Variants in ROS1 observed in about 807,000 individuals in gnomAD.
ROS1 encodes ROS proto-oncogene 1, receptor tyrosine kinase.
ROS1 carries 263 observed loss-of-function variants against 273.5 expected under a neutral mutation model. The observed-to-expected ratio is 0.96, with a 90% CI of 0.87 to 1.06. The LOEUF is 1.06. ROS1 is among the 50% of genes least tolerant of loss of function. The pLI, the probability that ROS1 is intolerant of heterozygous loss-of-function variation, is 0.00. For missense variants in ROS1, 2,833 were observed against 2,751.1 expected (o/e 1.03, Z -0.67); for synonymous variants, 1,008 against 954.1 (o/e 1.06, Z -1.04).
chr6:117,361,638 T>G (rs1455232278), intron 22 of ROS1, among the ~76,000 whole-genome samples: 1 of 150,650 alleles, frequency 6.6e-6, no homozygotes. Context: ...ACACTCCTAA[T>G]TTTTACCAAA....
Position 117,327,436 on chromosome 6 carries a change from C to A in ROS1, c.5349-1022G>T, listed in dbSNP as rs565839516. 3.9e-5 allele frequency among the ~76,000 whole-genome samples: 6 copies of A among 152,016 alleles called. No homozygotes were observed. The South Asian group carries it at 1.2e-3, about 32-fold the overall frequency. On this transcript the variant is annotated intron_variant, in intron 33 of 43. Coordinates refer to ENST00000368507, the MANE Select transcript of ROS1 (RefSeq NM_001378902.1). ...ACAACTCTGATCCAAAAGAAAGAGG[C>A]CCTTGAGAATTTGTGAAGTGGCTCT...
chr6:117,373,884 A>G (rs1185243739), intron 18 of ROS1, among the ~76,000 whole-genome samples: 2 of 152,260 alleles, frequency 1.3e-5, no homozygotes, highest in African/African-American at 4.8e-5. Flanking sequence ...AATCAAATCA[A>G]TAATTCAACC....
chr6:117,408,849 C>T (rs1202980245), intron 5 of ROS1, among the ~76,000 whole-genome samples: 5 of 152,008 alleles, frequency 3.3e-5, no homozygotes, highest in African/African-American at 1.2e-4. Context: ...ATTAAGAAAA[C>T]GTGGCACACA....
Position 117,372,533 on chromosome 6 carries a change from C to T in ROS1, c.2583-6243G>A, listed in dbSNP as rs188347992. Among the ~76,000 whole-genome samples the T allele has an allele frequency of 2.6e-3, 402 of 152,228 alleles. 2 individuals are homozygous for T. The highest frequency in any genetic ancestry group is 8.8e-3 in the African/African-American group (364 of 41,524). On this transcript the variant is annotated intron_variant, in intron 18 of 43. Transcript: ENST00000368507. ...GTTACAGTTCTTAAAGGTGGTGTGT[C>T]CAGAGTTTGTTCCTTCTGATGTTCG...
At chr6:117,302,533 C>T (rs1178714924) in intron 42 of ROS1, among the ~76,000 whole-genome samples, 2 of 152,174 alleles carry the variant, frequency 1.3e-5, no homozygotes, top group Non-Finnish European at 2.9e-5. Context: ...TGACGCTTCC[C>T]CACTACAGTG....
chr6:117,419,434 G>C (rs552868941), intron 1 of ROS1, among the ~76,000 whole-genome samples: 21 of 152,114 alleles, frequency 1.4e-4, no homozygotes, highest in African/African-American at 4.8e-4. Flanking sequence ...TCTTTAATTT[G>C]AAGCATGAGT....
rs2128753568 is a variant in ROS1, at chr6:117,425,709, C to T, written c.-53G>A. 6.3e-7 allele frequency: 1 copy of T among 1,595,306 alleles called. No homozygotes were observed. The highest frequency in any genetic ancestry group is 8.5e-7 in the Non-Finnish European group (1 of 1,169,974). On this transcript the variant is annotated 5_prime_UTR_variant, in exon 1 of 44. Transcript: ENST00000368507. Reference sequence around the variant, plus strand: ...GGCCGGTCTAATTTTCTCCATTTTGCTATATGAATTATTTGGGCTTCATCA... The same window carrying T: ...GGCCGGTCTAATTTTCTCCATTTTGTTATATGAATTATTTGGGCTTCATCA...
intron 34 of ROS1, among the ~76,000 whole-genome samples, chr6:117,325,765 C>T (rs1480354023): frequency 1.3e-5 from 2 of 151,872 alleles, no homozygotes; most frequent in Non-Finnish European, 2.9e-5. Context: ...GATTTCCTGC[C>T]TATGTGATTA....
Position 117,418,460 on chromosome 6 carries a change from A to G in ROS1, c.168+2T>C, listed in dbSNP as rs760324658. 1.5e-5 allele frequency: 24 copies of G among 1,592,930 alleles called. No homozygotes were observed. Among genetic ancestry groups the G allele is most frequent in the Non-Finnish European group, 2.1e-5 (24 of 1,170,186 alleles). ...TTCTTGACAACTGAAGAAATTACTTACCGGTTCACTCAGATTATGTGGTGT... is the reference window on the plus strand; with the variant it reads ...TTCTTGACAACTGAAGAAATTACTTGCCGGTTCACTCAGATTATGTGGTGT... On this transcript the variant is annotated splice_donor_variant, in intron 2 of 43. Coordinates refer to ENST00000368507, the MANE Select transcript of ROS1 (RefSeq NM_001378902.1). LOFTEE classifies it high-confidence loss of function.
At chr6:117,298,865 T>G (rs1366656142) in intron 43 of ROS1, among the ~76,000 whole-genome samples, 1 of 152,206 alleles carries the variant, frequency 6.6e-6, no homozygotes, top group African/African-American at 2.4e-5. Flanking sequence ...GAAATAATTT[T>G]TTTAATTATC....
At chr6:117,370,149 CA>C (rs1376944954) in intron 18 of ROS1, among the ~76,000 whole-genome samples, 1 of 151,788 alleles carries the variant, frequency 6.6e-6, no homozygotes, top group African/African-American at 2.4e-5. Context: ...TTCTACTTAC[CA>C]AAAAAAGGAA....
chr6:117,298,477 G>A (rs766689385), intron 43 of ROS1, among the ~76,000 whole-genome samples: 1 of 152,146 alleles, frequency 6.6e-6, no homozygotes, highest in East Asian at 1.9e-4. Flanking sequence ...AGGAACAAAA[G>A]ATTTAATTTT....
At chr6:117,337,113 G>A (rs2128616356) in intron 32 of ROS1, 59 bp downstream of exon 32, 1 of 1,299,222 alleles carries the variant, frequency 7.7e-7, no homozygotes, top group Non-Finnish European at 1.1e-6. Context: ...AGTGAAATAA[G>A]TGATAAGAAA....
chr6:117,299,924 CTT>C (rs11297663), intron 43 of ROS1, among the ~76,000 whole-genome samples: 3,306 of 118,656 alleles, frequency 0.028, 47 homozygotes, highest in Non-Finnish European at 0.042. Flanking sequence ...ATATTATTAT[CTT>C]TTTTTTTTTT....
At chr6:117,415,249 C>G (rs1389346833) in intron 3 of ROS1, among the ~76,000 whole-genome samples, 1 of 152,214 alleles carries the variant, frequency 6.6e-6, no homozygotes, top group African/African-American at 2.4e-5. Context: ...GTGAGGCACT[C>G]AGTCACAAAT....
intron 27 of ROS1, among the ~76,000 whole-genome samples, chr6:117,351,420 T>C (rs1778854850): frequency 6.6e-6 from 1 of 151,604 alleles, no homozygotes; most frequent in Non-Finnish European, 1.5e-5. Context: ...CCTTTTCCCT[T>C]CTCTCTGTGG....
intron 33 of ROS1, among the ~76,000 whole-genome samples, chr6:117,327,436 C>T (rs565839516): frequency 6.6e-6 from 1 of 152,016 alleles, no homozygotes; most frequent in Admixed American, 6.6e-5. Context: ...AAGAAAGAGG[C>T]CCTTGAGAAT....
At position 117,425,731 on chromosome 6, in the gene ROS1, A is replaced by C. The variant is rs1017015240; in HGVS notation, c.-75T>G. 2.0e-6 allele frequency: 3 copies of C among 1,497,250 alleles called. No individual in the cohort carries two copies. Among genetic ancestry groups the C allele is most frequent in the Admixed American group, 1.8e-5 (1 of 55,370 alleles). The allele number at this position is 1,497,250 out of a possible 1,614,324, so 92.7% of individuals were successfully genotyped here. A position where few individuals can be genotyped will look rare whatever the true frequency, so the allele number is the denominator to read the frequency against. ...TTGCTATATGAATTATTTGGGCTTCATCACTTCAATTGGAGGAGTAGCTGA... is the reference window on the plus strand; with the variant it reads ...TTGCTATATGAATTATTTGGGCTTCCTCACTTCAATTGGAGGAGTAGCTGA... On this transcript the variant is annotated 5_prime_UTR_variant, in exon 1 of 44. An upstream start codon of the reference 5' UTR is lost. Transcript: ENST00000368507.
At position 117,359,803 on chromosome 6, in the gene ROS1, A is replaced by C; in HGVS notation, c.3633+6T>G. On this transcript the variant is annotated splice_donor_region_variant and intron_variant, in intron 24 of 43. Transcript: ENST00000368507. ...TTTATTTCGGAAGAATTACATAGTG[A>C]AATACCTCAGAGCTAGAGCGATTGT... 1 of 1,610,224 alleles carries C rather than the reference A, an allele frequency of 6.2e-7. No individual in the cohort carries two copies. Among genetic ancestry groups the C allele is most frequent in the Non-Finnish European group, 8.5e-7 (1 of 1,176,724 alleles).
Sources: allele counts gnomAD v4.1 joint callset (sites outside exome capture counted in the v4.1 genomes callset), GRCh38; gene constraint gnomAD v4.1.1; transcripts MANE v1.5; gene names NCBI Gene and HGNC (gene_info 2026-07-23, HGNC 2026-07-21).